Variants in DOCK10 observed in about 807,000 individuals in gnomAD.
The protein encoded by DOCK10 is dedicator of cytokinesis protein 10.
Under a neutral mutation model 280.1 loss-of-function variants are expected in DOCK10, and 145 were observed. That is an observed-to-expected ratio of 0.52 (90% CI 0.45 to 0.59). The LOEUF is 0.59. Ranked by LOEUF, DOCK10 falls within the 20% of genes least tolerant of loss-of-function variation. The probability of loss-of-function intolerance (pLI) is 0.00; values close to 1 mark genes in which losing one functional copy is unlikely to be tolerated. For synonymous variants in DOCK10, 915 were observed against 942.2 expected (o/e 0.97, Z 0.53); for missense variants, 2,368 against 2,651.7 (o/e 0.89, Z 2.35).
intron 16 of DOCK10, 36 bp downstream of exon 16, chr2:224,854,927 A>G (rs1025111053): frequency 6.5e-7 from 1 of 1,535,790 alleles, no homozygotes; most frequent in African/African-American, 1.4e-5. Context: ...TCAATATTCA[A>G]AACTCTGCAA....
intron 4 of DOCK10, among the ~76,000 whole-genome samples, chr2:224,888,660 T>C (rs969103088): frequency 6.6e-6 from 1 of 152,060 alleles, no homozygotes; most frequent in Non-Finnish European, 1.5e-5. Flanking sequence ...TATATGTGTG[T>C]GCATGTATAT....
At position 224,892,397 on chromosome 2, in the gene DOCK10, CAAA is replaced by C. The variant is rs1174651393; in HGVS notation, c.416+3895_416+3897del. On this transcript the variant is annotated intron_variant, in intron 4 of 55. Coordinates refer to ENST00000258390, the MANE Select transcript of DOCK10 (RefSeq NM_014689.3). ...CTGGGGACGAAGTGAGACCCTGTCT[CAAA>C]AAAAAAAAAAAAAAAAAAAAAAGAA... Among the ~76,000 whole-genome samples the C allele has an allele frequency of 7.7e-5, 4 of 52,250 alleles. No homozygotes were observed. The South Asian group carries it at 4.5e-3, about 59-fold the overall frequency. 34.3% of individuals were successfully genotyped at this position (52,250 alleles called of 152,430 possible). A position where few individuals can be genotyped will look rare whatever the true frequency, so the allele number is the denominator to read the frequency against.
intron 29 of DOCK10, among the ~76,000 whole-genome samples, chr2:224,817,618 C>T (rs1694214048): frequency 6.6e-6 from 1 of 152,126 alleles, no homozygotes; most frequent in South Asian, 2.1e-4. Flanking sequence ...ACATTGAGAA[C>T]ATTCTGTTTG....
intron 7 of DOCK10, among the ~76,000 whole-genome samples, chr2:224,884,694 T>A (rs1699174613): frequency 6.6e-6 from 1 of 152,364 alleles, no homozygotes; most frequent in East Asian, 1.9e-4. Flanking sequence ...TGTCTGCTTC[T>A]GAAATTAGAC....
chr2:224,901,459 A>C (rs1248636838), intron 3 of DOCK10, among the ~76,000 whole-genome samples: 1 of 152,218 alleles, frequency 6.6e-6, no homozygotes, highest in Non-Finnish European at 1.5e-5. Context: ...GTCCTGGCTC[A>C]TCTTTTTTCA....
intron 25 of DOCK10, among the ~76,000 whole-genome samples, chr2:224,836,097 T>C (rs1329212830): frequency 1.3e-5 from 2 of 152,150 alleles, no homozygotes; most frequent in Non-Finnish European, 2.9e-5. Context: ...CCCACTGACA[T>C]GAGGAAAATA....
intron 19 of DOCK10, 48 bp from the exon 20 acceptor site, chr2:224,845,690 C>A: frequency 1.3e-6 from 2 of 1,557,128 alleles, no homozygotes; most frequent in South Asian, 2.4e-5. Flanking sequence ...ATCATTTGCT[C>A]AATATCAGAG....
intron 3 of DOCK10, among the ~76,000 whole-genome samples, chr2:224,902,703 A>AT (rs34406882): frequency 0.19 from 27,297 of 146,190 alleles, 3,586 homozygotes; most frequent in African/African-American, 0.39. Flanking sequence ...CACTGAAAAC[A>AT]TTTTTTTTTT....
chr2:225,009,430 C>T (rs1234607391), intron 1 of DOCK10, among the ~76,000 whole-genome samples: 1 of 152,018 alleles, frequency 6.6e-6, no homozygotes, highest in African/African-American at 2.4e-5. Context: ...CCATAATATC[C>T]ACTATGTCCA....
Position 225,038,293 on chromosome 2 carries a change from C to T in DOCK10, c.123+3959G>A, listed in dbSNP as rs892107084. Among the ~76,000 whole-genome samples the T allele has an allele frequency of 4.6e-5, 7 of 151,602 alleles. No homozygotes were observed. The East Asian group carries it at 1.2e-3, about 25-fold the overall frequency. On this transcript the variant is annotated intron_variant, in intron 1 of 55. Coordinates refer to ENST00000258390, the MANE Select transcript of DOCK10 (RefSeq NM_014689.3). The stretch of plus-strand genomic sequence containing the variant: ...CACTCAATTAAAAAAAAAAAAATCC[C>T]TCCTACTCTCAACTCTTGAATGCCA...
chr2:224,990,368 C>A (rs1431071555), intron 1 of DOCK10, among the ~76,000 whole-genome samples: 2 of 152,102 alleles, frequency 1.3e-5, no homozygotes. Flanking sequence ...CCCTGTTGAG[C>A]TGTTTATTAA....
intron 12 of DOCK10, 55 bp from the exon 13 acceptor site, chr2:224,864,730 T>G: frequency 2.5e-6 from 4 of 1,578,914 alleles, no homozygotes; most frequent in African/African-American, 1.4e-5. Flanking sequence ...TGTAGACATT[T>G]ACAAAATTCC....
At chr2:224,960,235 T>TGAG (rs1704286695) in intron 1 of DOCK10, among the ~76,000 whole-genome samples, 1 of 152,220 alleles carries the variant, frequency 6.6e-6, no homozygotes, top group Non-Finnish European at 1.5e-5. Flanking sequence ...CCGTGCTTAC[T>TGAG]GAGGCCTCTT....
chr2:224,782,957 A>T (rs1691457497), intron 50 of DOCK10, among the ~76,000 whole-genome samples: 1 of 152,168 alleles, frequency 6.6e-6, no homozygotes, highest in Non-Finnish European at 1.5e-5. Context: ...AATCTTCGGA[A>T]CCTTCATTCT....
intron 1 of DOCK10, among the ~76,000 whole-genome samples, chr2:224,954,295 CAG>C (rs1357587232): frequency 6.6e-6 from 1 of 152,060 alleles, no homozygotes; most frequent in African/African-American, 2.4e-5. Flanking sequence ...CATCACTGGT[CAG>C]AGATATCCAT....
chr2:224,785,918 C>T (rs1013648035), intron 50 of DOCK10, among the ~76,000 whole-genome samples: 11 of 152,044 alleles, frequency 7.2e-5, no homozygotes, highest in African/African-American at 2.2e-4. Context: ...AAGCTGAGGC[C>T]GGGTGTGGTG....
intron 1 of DOCK10, among the ~76,000 whole-genome samples, chr2:225,004,207 G>A (rs1189045594): frequency 6.6e-6 from 1 of 152,152 alleles, no homozygotes; most frequent in Non-Finnish European, 1.5e-5. Context: ...AAATCCTCTT[G>A]GATTATTTAA....
At chr2:224,839,490 G>A (rs1380799094) in intron 24 of DOCK10, among the ~76,000 whole-genome samples, 3 of 152,176 alleles carry the variant, frequency 2.0e-5, no homozygotes, top group Non-Finnish European at 2.9e-5. Flanking sequence ...AACATATGTG[G>A]TGCATCCACA....
chr2:224,824,101 G>A (rs1694687754), intron 27 of DOCK10, among the ~76,000 whole-genome samples: 1 of 151,954 alleles, frequency 6.6e-6, no homozygotes, highest in Admixed American at 6.6e-5. Flanking sequence ...TTACAACTAG[G>A]AATGCCCCCA....
Sources: gnomAD v4.1 joint callset for allele counts (sites outside exome capture counted in the v4.1 genomes callset) on GRCh38, gnomAD v4.1.1 for gene constraint, MANE v1.5 for transcripts, NCBI Gene and HGNC (gene_info 2026-07-23, HGNC 2026-07-21) for gene names.